Variants in NMNAT2 observed in about 807,000 individuals in gnomAD.
NMNAT2 encodes the protein nicotinamide nucleotide adenylyltransferase 2, also known as nicotinamide/nicotinic acid mononucleotide adenylyltransferase 2.
A neutral mutation model predicts 41.6 loss-of-function variants in NMNAT2; 11 were observed. That is an observed-to-expected ratio of 0.26 (90% confidence interval 0.17 to 0.44). NMNAT2 has a LOEUF of 0.44. Among genes scored for constraint, NMNAT2 ranks in the 20% least tolerant of loss-of-function variants. The pLI, the probability that NMNAT2 is intolerant of heterozygous loss-of-function variation, is 1.00. For missense variants in NMNAT2, 288 were observed against 407.7 expected (o/e 0.71, Z 2.53); for synonymous variants, 148 against 151.2 (o/e 0.98, Z 0.16).
intron 1 of NMNAT2, among the ~76,000 whole-genome samples, chr1:183,400,792 T>C (rs572816834): frequency 6.6e-6 from 1 of 152,192 alleles, no homozygotes; most frequent in South Asian, 2.1e-4. Context: ...TTGACAAACC[T>C]GACAAAAACA....
At chr1:183,265,258 C>CTTT (rs67117635) in intron 8 of NMNAT2, among the ~76,000 whole-genome samples, 352 of 64,652 alleles carry the variant, frequency 5.4e-3, no homozygotes, top group African/African-American at 7.0e-3. Context: ...TCTTCTTCTT[C>CTTT]TTTTTTTTTT....
chr1:183,395,393 G>T (rs765248210), intron 1 of NMNAT2, among the ~76,000 whole-genome samples: 1 of 151,896 alleles, frequency 6.6e-6, no homozygotes, highest in African/African-American at 2.4e-5. Flanking sequence ...GTCGGGGGCA[G>T]GGGAAGCCAG....
chr1:183,370,402 G>A (rs756405894), intron 1 of NMNAT2, among the ~76,000 whole-genome samples: 8 of 152,138 alleles, frequency 5.3e-5, no homozygotes, highest in Non-Finnish European at 7.4e-5. Context: ...TGGGGATGGT[G>A]TTATCTATCT....
At chr1:183,310,187 A>G (rs1377924360) in intron 1 of NMNAT2, among the ~76,000 whole-genome samples, 4 of 152,190 alleles carry the variant, frequency 2.6e-5, no homozygotes, top group African/African-American at 9.7e-5. Context: ...GACTCTCCCA[A>G]ACATTCTTAA....
intron 1 of NMNAT2, among the ~76,000 whole-genome samples, chr1:183,408,923 A>G (rs1649040920): frequency 6.6e-6 from 1 of 152,196 alleles, no homozygotes; most frequent in Non-Finnish European, 1.5e-5. Flanking sequence ...TGAGCTATGC[A>G]CTGCTAAATA....
At chr1:183,377,499 T>C (rs955122013) in intron 1 of NMNAT2, among the ~76,000 whole-genome samples, 1 of 152,080 alleles carries the variant, frequency 6.6e-6, no homozygotes, top group African/African-American at 2.4e-5. Context: ...GTCTATGCCA[T>C]AAATACAAGT....
chr1:183,273,852 TTCCTTCCTTC>T (rs1661054889), intron 8 of NMNAT2, among the ~76,000 whole-genome samples: 2 of 73,776 alleles, frequency 2.7e-5, no homozygotes. Context: ...CCTTCCTTCC[TTCCTTCCTTC>T]CTTCCTTCCT....
At position 183,264,862 on chromosome 1, in the gene NMNAT2, T is replaced by C. The variant is rs541096081; in HGVS notation, c.652-3559A>G. ...TACCCTCTCCTGGTTGCCCTACCTCTCTGGCTGCTGGCTACTCCTTTCTGG... is the reference window on the plus strand; with the variant it reads ...TACCCTCTCCTGGTTGCCCTACCTCCCTGGCTGCTGGCTACTCCTTTCTGG... On this transcript the variant is annotated intron_variant, in intron 8 of 10. Transcript: ENST00000287713. 3.3e-5 allele frequency among the ~76,000 whole-genome samples: 5 copies of C among 152,224 alleles called. No individual in the cohort carries two copies. In the East Asian group the frequency reaches 7.7e-4, roughly 24 times the overall value.
At position 183,311,722 on chromosome 1, in the gene NMNAT2, T is replaced by TACAC. The variant is rs61005402; in HGVS notation, c.86-17933_86-17930dup. 2.1e-3 allele frequency among the ~76,000 whole-genome samples: 302 copies of TACAC among 144,302 alleles called. 1 individual carries two copies. The highest frequency in any genetic ancestry group is 0.011 in the Middle Eastern group (3 of 280). 94.7% of individuals were successfully genotyped at this position (144,302 alleles called of 152,430 possible). On this transcript the variant is annotated intron_variant, in intron 1 of 10. Transcript: ENST00000287713. ...CAGTTCACATCACACGTCCAGTCCC[T>TACAC]ACACACACACACACACACACACACA...
At chr1:183,254,929 T>G (rs374944655) in intron 10 of NMNAT2, among the ~76,000 whole-genome samples, 1 of 152,192 alleles carries the variant, frequency 6.6e-6, no homozygotes, top group Non-Finnish European at 1.5e-5. Context: ...GAAGTCCCAT[T>G]TATTTATTTA....
At position 183,278,604 on chromosome 1, in the gene NMNAT2, A is replaced by ACCACACAGCAGCAGGAT; in HGVS notation, c.583_599dup (p.Asp202CysfsTer25). On this transcript the variant is annotated frameshift_variant, in exon 8 of 11. Transcript: ENST00000287713. LOFTEE classifies it high-confidence loss of function. ...TGCAGAAGGACTCCAGCAGGTCACTACCACACAGCAGCAGGATCCGTAGCT... is the reference window on the plus strand; with the variant it reads ...TGCAGAAGGACTCCAGCAGGTCACTACCACACAGCAGCAGGATCCACACAGCAGCAGGATCCGTAGCT... 1 of 1,613,876 alleles carries ACCACACAGCAGCAGGAT rather than the reference A, an allele frequency of 6.2e-7. No homozygotes were observed. The highest frequency in any genetic ancestry group is 8.5e-7 in the Non-Finnish European group (1 of 1,179,788).
intron 7 of NMNAT2, among the ~76,000 whole-genome samples, chr1:183,281,242 G>T (rs1558115315): frequency 6.6e-6 from 1 of 152,104 alleles, no homozygotes; most frequent in Admixed American, 6.5e-5. Flanking sequence ...TCAACTGAGG[G>T]CAATTTTGCA....
intron 7 of NMNAT2, among the ~76,000 whole-genome samples, chr1:183,280,521 G>A (rs1661232314): frequency 6.6e-6 from 1 of 151,904 alleles, no homozygotes; most frequent in Non-Finnish European, 1.5e-5. Context: ...CCAAGTAGCT[G>A]GGATTACAGG....
chr1:183,302,862 C>A (rs1661896398), intron 1 of NMNAT2, among the ~76,000 whole-genome samples: 1 of 152,130 alleles, frequency 6.6e-6, no homozygotes, highest in African/African-American at 2.4e-5. Flanking sequence ...TTGTTTTCCC[C>A]ACTCCCTCTG....
At chr1:183,359,038 G>C (rs1157022502) in intron 1 of NMNAT2, among the ~76,000 whole-genome samples, 2 of 152,014 alleles carry the variant, frequency 1.3e-5, no homozygotes, top group Non-Finnish European at 2.9e-5. Context: ...TGCATATTGA[G>C]CTGTTCAAAT....
intron 1 of NMNAT2, among the ~76,000 whole-genome samples, chr1:183,403,150 T>G (rs1353627653): frequency 6.6e-6 from 1 of 152,012 alleles, no homozygotes; most frequent in Non-Finnish European, 1.5e-5. Context: ...GCTAGGCTGG[T>G]CTCGTACTCC....
chr1:183,350,710 A>T (rs1230282974), intron 1 of NMNAT2, among the ~76,000 whole-genome samples: 1 of 152,234 alleles, frequency 6.6e-6, no homozygotes, highest in Non-Finnish European at 1.5e-5. Flanking sequence ...AAGGAGAAAT[A>T]ATAATTTCCA....
intron 1 of NMNAT2, among the ~76,000 whole-genome samples, chr1:183,309,893 G>A (rs1662071686): frequency 6.6e-6 from 1 of 152,180 alleles, no homozygotes; most frequent in African/African-American, 2.4e-5. Flanking sequence ...TTTAGCTAAA[G>A]GTGCAGTGCC....
At chr1:183,372,878 A>C (rs1267813042) in intron 1 of NMNAT2, among the ~76,000 whole-genome samples, 1 of 152,216 alleles carries the variant, frequency 6.6e-6, no homozygotes, top group Non-Finnish European at 1.5e-5. Context: ...TCAGGAGCCA[A>C]CATCAAAGGT....
Sources: allele counts gnomAD v4.1 joint callset (sites outside exome capture counted in the v4.1 genomes callset), GRCh38; gene constraint gnomAD v4.1.1; transcripts MANE v1.5; gene names NCBI Gene and HGNC (gene_info 2026-07-23, HGNC 2026-07-21).